The following MAGI1 variants were observed in gnomAD, a reference collection of about 807,000 sequenced individuals.
MAGI1 encodes the protein membrane associated guanylate kinase, WW and PDZ domain containing 1, also known as membrane-associated guanylate kinase, WW and PDZ domain-containing protein 1.
Under a neutral mutation model 139.9 loss-of-function variants are expected in MAGI1, and 58 were observed. The ratio of observed to expected loss-of-function variants is 0.41; its 90% CI spans 0.34 to 0.52. MAGI1 has a LOEUF of 0.52. Among genes scored for constraint, MAGI1 ranks in the 20% least tolerant of loss-of-function variants. MAGI1 has a pLI of 0.12. For missense variants in MAGI1, 1,874 were observed against 1,901.6 expected, an observed-to-expected ratio of 0.99 and a Z score of 0.27; for synonymous variants, 812 against 737.9, an observed-to-expected ratio of 1.10 and a Z score of -1.63.
chr3:65,734,067 A>G (rs545514322), intron 1 of MAGI1, among the ~76,000 whole-genome samples: 1 of 152,330 alleles, frequency 6.6e-6, no homozygotes, highest in East Asian at 1.9e-4. Flanking sequence ...AAAAAGAAGA[A>G]CATCGTCTCA....
intron 1 of MAGI1, among the ~76,000 whole-genome samples, chr3:65,698,173 G>C (rs2089348326): frequency 8.5e-6 from 1 of 118,298 alleles, no homozygotes; most frequent in African/African-American, 3.7e-5. Context: ...TACAAGGGAT[G>C]TGAAGGACCT....
chr3:65,384,520 G>A (rs1943294565), intron 14 of MAGI1, among the ~76,000 whole-genome samples: 1 of 152,132 alleles, frequency 6.6e-6, no homozygotes, highest in African/African-American at 2.4e-5. Context: ...CAGGCGAATC[G>A]CTTGAGCCCA....
In MAGI1 at chr3:65,383,614, T is replaced by C. The variant is rs1458278662; in HGVS notation, c.2426A>G (p.Tyr809Cys). ...CCAGAGGAAGATGTCCTGTTCCTGGTAATCTGGAACTGCAGAGAGGGGAGA... is the reference window on the plus strand; with the variant it reads ...CCAGAGGAAGATGTCCTGTTCCTGGCAATCTGGAACTGCAGAGAGGGGAGA... Reference protein sequence around the residue: ...RSMYENRLPDYQEQDIFLWRK... With the variant: ...RSMYENRLPDCQEQDIFLWRK... The change falls in exon 15 of 23, where the codon TAC becomes TGC. Residue 809 changes from tyrosine to cysteine, a missense_variant. Physicochemically the swap from Tyr to Cys is radical, Grantham distance 194. This residue lies in a region of MAGI1 where 482 missense variants were observed against 509.6 expected (regional missense o/e 0.95). Coordinates refer to ENST00000402939, the MANE Select transcript of MAGI1 (RefSeq NM_001033057.2). 6.2e-7 allele frequency: 1 copy of C among 1,610,342 alleles called. No homozygotes were observed. The highest frequency in any genetic ancestry group is 1.3e-5 in the African/African-American group (1 of 74,870).
chr3:65,596,495 A>T (rs1255923235), intron 2 of MAGI1, among the ~76,000 whole-genome samples: 1 of 152,216 alleles, frequency 6.6e-6, no homozygotes, highest in Non-Finnish European at 1.5e-5. Flanking sequence ...AAACTCTGGG[A>T]AAGAGAAAAG....
At chr3:66,010,486 GAA>G (rs1343034845) in intron 1 of MAGI1, among the ~76,000 whole-genome samples, 1 of 152,170 alleles carries the variant, frequency 6.6e-6, no homozygotes, top group Non-Finnish European at 1.5e-5. Flanking sequence ...CTGAATGAAA[GAA>G]ACTGCCTCTT....
At chr3:65,631,013 C>A (rs2107152475) in intron 1 of MAGI1, among the ~76,000 whole-genome samples, 1 of 152,318 alleles carries the variant, frequency 6.6e-6, no homozygotes, top group South Asian at 2.1e-4. Context: ...ATCAACGTTT[C>A]TTTTGCAGTT....
chr3:65,547,561 T>G (rs1294123017), intron 2 of MAGI1, among the ~76,000 whole-genome samples: 1 of 152,104 alleles, frequency 6.6e-6, no homozygotes, highest in Admixed American at 6.6e-5. Context: ...CATGGAGAAG[T>G]TGTACTGCCC....
chr3:65,401,520 T>G (rs767305815), intron 12 of MAGI1, 50 bp from the exon 13 acceptor site: 1 of 1,599,534 alleles, frequency 6.3e-7, no homozygotes, highest in Non-Finnish European at 8.5e-7. Flanking sequence ...CATTAGCATA[T>G]AAATGTTACC....
chr3:65,895,618 G>T (rs181249518), intron 1 of MAGI1, among the ~76,000 whole-genome samples: 96 of 152,264 alleles, frequency 6.3e-4, no homozygotes, highest in Middle Eastern at 3.4e-3. Context: ...CTGTATCAAA[G>T]GGAATAACTT....
At chr3:65,909,559 G>A (rs543596291) in intron 1 of MAGI1, among the ~76,000 whole-genome samples, 1 of 152,124 alleles carries the variant, frequency 6.6e-6, no homozygotes, top group African/African-American at 2.4e-5. Flanking sequence ...AGGCCAGTGT[G>A]GTGGTGGGTG....
At chr3:65,443,052 C>T (rs1156264060) in intron 7 of MAGI1, among the ~76,000 whole-genome samples, 2 of 151,780 alleles carry the variant, frequency 1.3e-5, no homozygotes, top group Admixed American at 6.6e-5. Context: ...TCTTTATCTA[C>T]TGGTATTTTA....
intron 1 of MAGI1, among the ~76,000 whole-genome samples, chr3:65,774,446 T>C (rs1351381295): frequency 6.6e-6 from 1 of 152,194 alleles, no homozygotes; most frequent in Non-Finnish European, 1.5e-5. Flanking sequence ...ATGTTTGTTA[T>C]ATATTCAAAA....
chr3:65,812,098 G>C (rs565678288), intron 1 of MAGI1, among the ~76,000 whole-genome samples: 267 of 152,104 alleles, frequency 1.8e-3, no homozygotes, highest in African/African-American at 6.1e-3. Context: ...GTGTCTCTCC[G>C]TAACTCAAAG....
intron 1 of MAGI1, among the ~76,000 whole-genome samples, chr3:65,728,804 C>G (rs1359388749): frequency 6.6e-6 from 1 of 152,000 alleles, no homozygotes; most frequent in Non-Finnish European, 1.5e-5. Flanking sequence ...GGGGATAAAA[C>G]TTTTTTAACT....
intron 1 of MAGI1, among the ~76,000 whole-genome samples, chr3:65,750,023 A>G (rs1358520306): frequency 6.6e-6 from 1 of 152,150 alleles, no homozygotes; most frequent in East Asian, 1.9e-4. Flanking sequence ...AGGAAAACCC[A>G]AACTCCTGGT....
intron 1 of MAGI1, among the ~76,000 whole-genome samples, chr3:65,840,922 G>A (rs1350997542): frequency 2.0e-5 from 3 of 152,126 alleles, no homozygotes; most frequent in Admixed American, 6.5e-5. Flanking sequence ...TGGGCCTAGA[G>A]ATGGGGGAGA....
At chr3:65,545,581 T>G (rs370742597) in intron 2 of MAGI1, among the ~76,000 whole-genome samples, 1 of 152,178 alleles carries the variant, frequency 6.6e-6, no homozygotes, top group Non-Finnish European at 1.5e-5. Context: ...GATGAAATTA[T>G]AAATTCTTAG....
chr3:65,798,411 A>G (rs995907248), intron 1 of MAGI1, among the ~76,000 whole-genome samples: 1 of 152,166 alleles, frequency 6.6e-6, no homozygotes, highest in Non-Finnish European at 1.5e-5. Context: ...AACATAAGTC[A>G]TCAGGACCCA....
At chr3:65,833,802 T>A (rs2042658554) in intron 1 of MAGI1, among the ~76,000 whole-genome samples, 1 of 152,178 alleles carries the variant, frequency 6.6e-6, no homozygotes. Flanking sequence ...TTTCCTTAAT[T>A]GAGTAAACAA....
Sources: gnomAD v4.1 joint callset for allele counts (sites outside exome capture counted in the v4.1 genomes callset) on GRCh38, gnomAD v4.1.1 for gene constraint, gnomAD v4.1.1 regional missense constraint, MANE v1.5 for transcripts, NCBI Gene and HGNC (gene_info 2026-07-23, HGNC 2026-07-21) for gene names.